ANKRD26: variants seen among roughly 807,000 people sequenced by gnomAD.
ANKRD26 encodes the protein ankyrin repeat domain-containing protein 26.
In ANKRD26, 141 loss-of-function variants were observed where a neutral mutation model predicts 208.7. That is an observed-to-expected ratio of 0.68 (90% CI 0.59 to 0.78). The LOEUF is 0.78. Ranked by LOEUF, ANKRD26 falls within the 30% of genes least tolerant of loss-of-function variation. The pLI is 0.00. For missense variants in ANKRD26, 1,889 were observed against 1,938.7 expected, an observed-to-expected ratio of 0.97 and a Z score of 0.48; for synonymous variants, 636 against 660.4, an observed-to-expected ratio of 0.96 and a Z score of 0.57.
chr10:26,961,492 T>C, the ANKRD26 span, among the ~76,000 whole-genome samples: 2 of 152,102 alleles, frequency 1.3e-5, no homozygotes, highest in African/African-American at 4.8e-5. Flanking sequence ...ACTTGCTCAA[T>C]GGGACCATCC....
the ANKRD26 span, among the ~76,000 whole-genome samples, chr10:26,960,025 G>A: frequency 2.0e-5 from 3 of 152,224 alleles, no homozygotes; most frequent in African/African-American, 7.2e-5. Flanking sequence ...AGCTGGAAGT[G>A]GAAGCACACG....
chr10:27,044,117 T>A (rs2054358515), intron 19 of ANKRD26, 40 bp downstream of exon 19: 1 of 1,299,420 alleles, frequency 7.7e-7, no homozygotes, highest in East Asian at 3.0e-5. Flanking sequence ...ATAATGTATT[T>A]TTTTAAACAA....
the ANKRD26 span, among the ~76,000 whole-genome samples, chr10:26,949,914 C>G: frequency 1.3e-5 from 2 of 152,162 alleles, no homozygotes; most frequent in Non-Finnish European, 2.9e-5. Flanking sequence ...CTTATGTCAC[C>G]TACACCTTTT....
chr10:27,067,378 C>T, intron 9 of ANKRD26, 92 bp from the exon 10 acceptor site: 2 of 1,433,132 alleles, frequency 1.4e-6, no homozygotes, highest in South Asian at 1.2e-5. Context: ...TCCGTACTTG[C>T]ACTACCATAA....
intron 29 of ANKRD26, among the ~76,000 whole-genome samples, chr10:27,020,403 A>T (rs1564360887): frequency 2.0e-5 from 3 of 151,942 alleles, no homozygotes; most frequent in Admixed American, 1.3e-4. Flanking sequence ...AGCTAGCTCT[A>T]ATTTGGTAGC....
chr10:26,991,816 C>T (rs938235871), downstream of ANKRD26: 6 of 152,136 alleles, frequency 3.9e-5, no homozygotes, highest in African/African-American at 1.2e-4. Flanking sequence ...TCACTGAATA[C>T]ACAATTTTCA....
intron 15 of ANKRD26, among the ~76,000 whole-genome samples, chr10:27,055,011 T>G (rs192152096): frequency 2.4e-3 from 373 of 152,294 alleles, no homozygotes; most frequent in African/African-American, 8.6e-3. Flanking sequence ...GGAGATTAAT[T>G]AGAAGACAAT....
Position 27,033,221 on chromosome 10 carries a change from A to G in ANKRD26, c.3807+4T>C. ...CTGTTTGACATGTTAAATTTCATAC[A>G]TACTTGATTTCTGATTTGACCTAAT... is the stretch of plus-strand genomic sequence containing the variant. On this transcript the variant is annotated splice_donor_region_variant and intron_variant, in intron 25 of 33. Coordinates refer to ENST00000376087, the MANE Select transcript of ANKRD26 (RefSeq NM_014915.3). 6.2e-7 allele frequency: 1 copy of G among 1,605,610 alleles called. No individual in the cohort carries two copies. The highest frequency in any genetic ancestry group is 8.5e-7 in the Non-Finnish European group (1 of 1,173,564).
In ANKRD26 at chr10:27,044,144, T is replaced by C. The variant is rs1349152274; in HGVS notation, c.2019+13A>G. 2.2e-6 allele frequency: 3 copies of C among 1,377,186 alleles called. No homozygotes were observed. The highest frequency in any genetic ancestry group is 3.0e-6 in the Non-Finnish European group (3 of 1,013,332). The allele number at this position is 1,377,186 out of a possible 1,614,324, so 85.3% of individuals were successfully genotyped here. A position where few individuals can be genotyped will look rare whatever the true frequency, so the allele number is the denominator to read the frequency against. On this transcript the variant is annotated intron_variant, in intron 19 of 33. Transcript: ENST00000376087. ...TTTAAACAATAATTTTGATAATTTATTTTTTACAGTACCTTGTTCTTTTCA... is the reference window on the plus strand; with the variant it reads ...TTTAAACAATAATTTTGATAATTTACTTTTTACAGTACCTTGTTCTTTTCA...
At chr10:26,972,006 T>C (rs142988370), downstream of ANKRD26, among the ~76,000 whole-genome samples, 12,310 of 152,004 alleles carry the variant, frequency 0.081, 667 homozygotes, top group African/African-American at 0.15. Context: ...GAGGCCAAGG[T>C]GGGCGGATCA....
intron 4 of ANKRD26, 123 bp from the exon 5 acceptor site, chr10:27,086,732 A>C: frequency 9.4e-7 from 1 of 1,064,172 alleles, no homozygotes; most frequent in East Asian, 3.0e-5. Flanking sequence ...TAATTATCCC[A>C]TACACTTCAA....
chr10:27,024,143 A>T (rs1284349370), intron 28 of ANKRD26, among the ~76,000 whole-genome samples: 1 of 152,214 alleles, frequency 6.6e-6, no homozygotes, highest in Non-Finnish European at 1.5e-5. Context: ...AGAGAGAAAG[A>T]TTACCAAAGA....
chr10:27,041,203 G>A (rs1409909003), intron 20 of ANKRD26, among the ~76,000 whole-genome samples: 3 of 110,460 alleles, frequency 2.7e-5, no homozygotes, highest in East Asian at 4.7e-4. Flanking sequence ...TCTGGTAAAC[G>A]CAAAGTAGAC....
intron 1 of ANKRD26, among the ~76,000 whole-genome samples, chr10:27,096,532 G>A (rs1217068707): frequency 6.6e-6 from 1 of 152,144 alleles, no homozygotes; most frequent in African/African-American, 2.4e-5. Flanking sequence ...GGGAGGCTGA[G>A]GCAGGCAGAT....
intron 7 of ANKRD26, among the ~76,000 whole-genome samples, chr10:27,078,624 A>G (rs1042980764): frequency 6.6e-6 from 1 of 152,182 alleles, no homozygotes; most frequent in Non-Finnish European, 1.5e-5. Context: ...ATACTTCTGT[A>G]GTAAACAGTT....
intron 1 of ANKRD26, among the ~76,000 whole-genome samples, chr10:27,098,003 A>G (rs1294818630): frequency 1.3e-5 from 2 of 152,206 alleles, no homozygotes; most frequent in African/African-American, 2.4e-5. Flanking sequence ...CACAACTAAA[A>G]TAAAATGATT....
chr10:27,014,307 A>T (rs1009954647), intron 31 of ANKRD26, among the ~76,000 whole-genome samples, 187 bp downstream of exon 31: 16 of 152,054 alleles, frequency 1.1e-4, no homozygotes, highest in African/African-American at 3.6e-4. Flanking sequence ...AAAAAAAAAA[A>T]AACAGAGGAA....
intron 18 of ANKRD26, among the ~76,000 whole-genome samples, chr10:27,044,534 C>CT (rs2054374590): frequency 6.7e-6 from 1 of 149,300 alleles, no homozygotes; most frequent in Non-Finnish European, 1.5e-5. Flanking sequence ...TTTTTTTTTG[C>CT]TGTCGACCTT....
intron 1 of ANKRD26, among the ~76,000 whole-genome samples, chr10:27,096,653 C>T (rs2056474413): frequency 6.6e-6 from 1 of 151,030 alleles, no homozygotes; most frequent in African/African-American, 2.4e-5. Flanking sequence ...GGAATCCCAG[C>T]TGTTTGGGAG....
Sources: gnomAD v4.1 joint callset for allele counts (sites outside exome capture counted in the v4.1 genomes callset) on GRCh38, gnomAD v4.1.1 for gene constraint, MANE v1.5 for transcripts, NCBI Gene and HGNC (gene_info 2026-07-23, HGNC 2026-07-21) for gene names.